The following SPINK5 variants were observed in gnomAD, a reference collection of about 807,000 sequenced individuals.
The protein encoded by SPINK5 is serine protease inhibitor Kazal-type 5.
Under a neutral mutation model 151.8 loss-of-function variants are expected in SPINK5, and 125 were observed. The observed-to-expected ratio is 0.82, with a 90% CI of 0.71 to 0.96. The LOEUF (loss-of-function observed/expected upper bound fraction) is 0.96, where lower values mean the gene tolerates loss of function less well. Ranked by LOEUF, SPINK5 falls within the 40% of genes least tolerant of loss-of-function variation. SPINK5 has a pLI of 0.00. For synonymous variants in SPINK5, 374 were observed against 395.3 expected, an observed-to-expected ratio of 0.95 and a Z score of 0.64; for missense variants, 1,194 against 1,291.9, an observed-to-expected ratio of 0.92 and a Z score of 1.16.
At chr5:148,129,006 G>A (rs1311422692) in intron 30 of SPINK5, among the ~76,000 whole-genome samples, 4 of 152,128 alleles carry the variant, frequency 2.6e-5, no homozygotes, top group Non-Finnish European at 5.9e-5. Context: ...ATGGGGAGGG[G>A]AGGGGATACA....
rs750390455 is a variant in SPINK5 at position 148,089,922 on chromosome 5, AG to A, written c.602+302del. ...TATAAGGCACAATATTTTAAAATTTAGAAAGCACTTTCATATGGAATGATCT... is the reference window on the plus strand; with the variant it reads ...TATAAGGCACAATATTTTAAAATTTAAAAGCACTTTCATATGGAATGATCT... On this transcript the variant is annotated intron_variant, in intron 7 of 32. Transcript: ENST00000256084. 3.3e-5 allele frequency among the ~76,000 whole-genome samples: 5 copies of A among 152,042 alleles called. No homozygotes were observed. In the South Asian group the frequency reaches 1.0e-3, roughly 32 times the overall value.
Position 148,112,864 on chromosome 5 carries a change from A to G in SPINK5, c.1821-4A>G, listed in dbSNP as rs1211543982. On this transcript the variant is annotated splice_polypyrimidine_tract_variant and splice_region_variant and intron_variant, in intron 19 of 32. Coordinates refer to ENST00000256084, the MANE Select transcript of SPINK5 (RefSeq NM_006846.4). ...TGATTGTTTTGTCCTCCCTTTTCTT[A>G]TAGCCAGCAAGAAGCAAAAGAAAAA... 2 of 1,613,852 alleles carry G rather than the reference A, an allele frequency of 1.2e-6. No individual in the cohort carries two copies. Among genetic ancestry groups the G allele is most frequent in the Non-Finnish European group, 1.7e-6 (2 of 1,179,882 alleles).
chr5:148,079,193 G>A (rs1752957950), intron 4 of SPINK5, among the ~76,000 whole-genome samples: 1 of 150,732 alleles, frequency 6.6e-6, no homozygotes, highest in Non-Finnish European at 1.5e-5. Flanking sequence ...AAAATTCCTA[G>A]AAATAACCAA....
At chr5:148,117,379 T>C in intron 22 of SPINK5, among the ~76,000 whole-genome samples, 1 of 152,216 alleles carries the variant, frequency 6.6e-6, no homozygotes, top group Admixed American at 6.5e-5. Context: ...CTCCAGCATT[T>C]TTCTCTCTCT....
chr5:148,082,615 T>G (rs1258031786), intron 4 of SPINK5, among the ~76,000 whole-genome samples: 1 of 12,140 alleles, frequency 8.2e-5, no homozygotes, highest in Non-Finnish European at 1.2e-4. Flanking sequence ...TTTTTTTTTT[T>G]TTTTTTTTTT....
At chr5:148,067,513 G>T (rs1752617007) in intron 2 of SPINK5, among the ~76,000 whole-genome samples, 1 of 152,078 alleles carries the variant, frequency 6.6e-6, no homozygotes, top group Non-Finnish European at 1.5e-5. Context: ...ATTCCATTTT[G>T]CTCAGAGAAA....
intron 4 of SPINK5, among the ~76,000 whole-genome samples, chr5:148,073,417 T>C (rs2127193247): frequency 6.6e-6 from 1 of 151,966 alleles, no homozygotes; most frequent in Admixed American, 6.6e-5. Context: ...GATCCATAAT[T>C]GAAAACTCTT....
At chr5:148,121,062 G>A (rs1423318662) in intron 26 of SPINK5, among the ~76,000 whole-genome samples, 1 of 111,840 alleles carries the variant, frequency 8.9e-6, no homozygotes, top group Non-Finnish European at 2.1e-5. Flanking sequence ...GGAGAATGGC[G>A]TGAACCTGGG....
chr5:148,072,706 T>C (rs1752771629), intron 4 of SPINK5, among the ~76,000 whole-genome samples: 1 of 72,064 alleles, frequency 1.4e-5, no homozygotes, highest in Non-Finnish European at 2.4e-5. Flanking sequence ...TAGCAGGCAT[T>C]TGACTCATTC....
intron 28 of SPINK5, 40 bp from the exon 29 acceptor site, chr5:148,125,683 G>C (rs1244618413): frequency 6.2e-7 from 1 of 1,614,132 alleles, no homozygotes; most frequent in South Asian, 1.1e-5. Context: ...AAGCCAAAAA[G>C]GGACAAAGCC....
intron 16 of SPINK5, 67 bp downstream of exon 16, chr5:148,105,067 T>C: frequency 6.7e-7 from 1 of 1,500,586 alleles, no homozygotes; most frequent in South Asian, 1.2e-5. Context: ...TCTTTACTTA[T>C]CCTATTAGAA....
At chr5:148,114,141 G>T (rs1444983347) in intron 20 of SPINK5, among the ~76,000 whole-genome samples, 1 of 152,114 alleles carries the variant, frequency 6.6e-6, no homozygotes, top group African/African-American at 2.4e-5. Flanking sequence ...GTGTATGGTT[G>T]CAGGTTTAGT....
At position 148,064,082 on chromosome 5, in the gene SPINK5, C is replaced by A; in HGVS notation, c.38C>A (p.Ala13Asp). The A allele has an allele frequency of 3.7e-6, 6 of 1,614,170 alleles. No homozygotes were observed. The highest frequency in any genetic ancestry group is 3.4e-6 in the Non-Finnish European group (4 of 1,180,028). The stretch of plus-strand genomic sequence containing the variant: ...ACAGTGTCAGTGCTTCTGCCCTTGG[C>A]TCTTTGCCTCATACAAGGTGAGCAA... The part of the protein sequence containing the change: ...IATVSVLLPL[A>D]LCLIQDAASK... The change falls in exon 1 of 33, where the codon GCT (alanine) becomes GAT (aspartate). Residue 13 changes from alanine to aspartate, a missense_variant. Coordinates refer to ENST00000256084, the MANE Select transcript of SPINK5 (RefSeq NM_006846.4).
At chr5:148,116,257 A>C in intron 21 of SPINK5, 113 bp from the exon 22 acceptor site, 1 of 1,062,948 alleles carries the variant, frequency 9.4e-7, no homozygotes, top group Admixed American at 1.9e-5. Flanking sequence ...ATGTTAACTC[A>C]ATGCTCGATA....
chr5:148,127,055 C>G lies in SPINK5; in HGVS notation c.2940C>G (p.Asp980Glu). The stretch of plus-strand genomic sequence containing the variant: ...ATGTTAGAGCTTCTCAAGAGGAAGA[C>G]AGCCCAGACTCTTTCAGTTCTCTGG... ...PSHVRASQEE[D>E]SPDSFSSLDS... Residue 980 changes from aspartate (D) to glutamate (E), a missense_variant, in exon 30 of 33, where the codon GAC becomes GAG. Asp to Glu is a conservative substitution (Grantham distance 45). Coordinates refer to ENST00000256084, the MANE Select transcript of SPINK5 (RefSeq NM_006846.4). 6.2e-7 allele frequency: 1 copy of G among 1,613,588 alleles called. No individual in the cohort carries two copies. Among genetic ancestry groups the G allele is most frequent in the East Asian group, 2.2e-5 (1 of 44,868 alleles).
chr5:148,099,135 C>A, intron 11 of SPINK5, 99 bp from the exon 12 acceptor site: 1 of 1,107,204 alleles, frequency 9.0e-7, no homozygotes. Flanking sequence ...AAAATTGTTC[C>A]ACTCTAAGGA....
At chr5:148,066,195 C>A (rs76984184) in intron 2 of SPINK5, among the ~76,000 whole-genome samples, 1 of 152,056 alleles carries the variant, frequency 6.6e-6, no homozygotes, top group South Asian at 2.1e-4. Flanking sequence ...CAAGAAGGTG[C>A]TTTACCAACT....
At chr5:148,134,780 T>C (rs895267650) in intron 32 of SPINK5, among the ~76,000 whole-genome samples, 1 of 152,106 alleles carries the variant, frequency 6.6e-6, no homozygotes, top group Non-Finnish European at 1.5e-5. Context: ...ATAAACAATA[T>C]TTTAATGCAT....
intron 26 of SPINK5, among the ~76,000 whole-genome samples, chr5:148,122,024 G>A (rs12657979): frequency 0.11 from 16,283 of 149,340 alleles, 1,116 homozygotes; most frequent in East Asian, 0.31. Context: ...GTGTGTGTGT[G>A]TCAAATAGAG....
Sources: allele counts gnomAD v4.1 joint callset (sites outside exome capture counted in the v4.1 genomes callset), GRCh38; gene constraint gnomAD v4.1.1; transcripts MANE v1.5; gene names NCBI Gene and HGNC (gene_info 2026-07-23, HGNC 2026-07-21).